The following FBXL18 variants were observed in gnomAD, a reference collection of about 807,000 sequenced individuals.
The protein encoded by FBXL18 is F-box/LRR-repeat protein 18.
In FBXL18, 36 loss-of-function variants were observed where a neutral mutation model predicts 46.0. The ratio of observed to expected loss-of-function variants is 0.78; its 90% CI spans 0.60 to 1.03. The LOEUF (loss-of-function observed/expected upper bound fraction) is 1.03. Among genes scored for constraint, FBXL18 ranks in the 50% least tolerant of loss-of-function variants. The pLI is 0.00. For synonymous variants in FBXL18, 557 were observed against 465.3 expected (o/e 1.20, Z -2.54); for missense variants, 977 against 1,004.1 (o/e 0.97, Z 0.36).
intron 4 of FBXL18, among the ~76,000 whole-genome samples, chr7:5,459,813 T>G (rs534293628): frequency 1.3e-5 from 2 of 151,522 alleles, no homozygotes; most frequent in Admixed American, 6.6e-5. Flanking sequence ...CTCGGGAGGA[T>G]GAGGCAGGAG....
At chr7:5,495,223 G>A (rs1784045263) in intron 3 of FBXL18, among the ~76,000 whole-genome samples, 1 of 152,198 alleles carries the variant, frequency 6.6e-6, no homozygotes, top group Admixed American at 6.5e-5. Flanking sequence ...GGGCATGAAA[G>A]GTGCTGAGCT....
intron 1 of FBXL18, among the ~76,000 whole-genome samples, chr7:5,508,266 A>C (rs1784442657): frequency 6.8e-6 from 1 of 146,312 alleles, no homozygotes; most frequent in Non-Finnish European, 1.5e-5. Flanking sequence ...CTCCATCTCA[A>C]AAAAAAAAAA....
intron 4 of FBXL18, among the ~76,000 whole-genome samples, chr7:5,463,532 T>C (rs559610084): frequency 2.2e-4 from 33 of 151,414 alleles, no homozygotes; most frequent in African/African-American, 6.6e-4. Context: ...GGCAGGAGGA[T>C]TGCTTGAGCC....
At chr7:5,475,602 C>G (rs1783496119), downstream of FBXL18, among the ~76,000 whole-genome samples, 1 of 152,196 alleles carries the variant, frequency 6.6e-6, no homozygotes, top group Non-Finnish European at 1.5e-5. This position sits in a 1 kb window ranked among gnomAD's most constrained non-coding sequence, Gnocchi z 4.2. Flanking sequence ...TCCTGATGCC[C>G]CCTGGGGAGT....
At chr7:5,491,208 T>A (rs1353788343) in intron 4 of FBXL18, 23 bp downstream of exon 4, 2 of 1,593,774 alleles carry the variant, frequency 1.3e-6, no homozygotes, top group Admixed American at 3.5e-5. Context: ...CCCCTGAAGC[T>A]GTACGCAACC....
At chr7:5,507,641 C>G (rs1464142131) in intron 1 of FBXL18, among the ~76,000 whole-genome samples, 1 of 151,694 alleles carries the variant, frequency 6.6e-6, no homozygotes, top group Non-Finnish European at 1.5e-5. Context: ...CGAGACCAGC[C>G]TGGCCAACAT....
rs966715597 is a variant in FBXL18, at chr7:5,455,033, C to A, written c.2001-7190G>T. 6.6e-6 allele frequency among the ~76,000 whole-genome samples: 1 copy of A among 152,200 alleles called. No homozygotes were observed. The highest frequency in any genetic ancestry group is 1.5e-5 in the Non-Finnish European group (1 of 68,036). On this transcript the variant is annotated intron_variant and NMD_transcript_variant, in intron 4 of 6. Transcript: ENST00000415009. This position sits in a 1 kb window ranked among gnomAD's most constrained non-coding sequence, Gnocchi z 4.6. ...TGCTCTAAGAGTGATCCCAGTCACA[C>A]TGGCACTCCGAGTGCCACCTTCCAC... is the stretch of plus-strand genomic sequence containing the variant.
At chr7:5,508,457 A>T (rs2128238901) in intron 1 of FBXL18, among the ~76,000 whole-genome samples, 1 of 151,272 alleles carries the variant, frequency 6.6e-6, no homozygotes, top group African/African-American at 2.4e-5. Context: ...AAAAAAAAAA[A>T]AATTAGTGGG....
rs568190854 is a variant in FBXL18, at chr7:5,513,734, C to G, written c.-60G>C. The G allele has an allele frequency of 5.7e-5, 90 of 1,573,352 alleles. No homozygotes were observed. Among genetic ancestry groups the G allele is most frequent in the Admixed American group, 1.1e-4 (6 of 54,268 alleles). ...CGCAACCCCGTGCCTCCCACCTGCC[C>G]GGCTAGGGATGCTCGAAGCCGGCGC... On this transcript the variant is annotated 5_prime_UTR_variant, in exon 1 of 5. Transcript: ENST00000382368.
chr7:5,505,731 G>A, intron 1 of FBXL18, 101 bp from the exon 2 acceptor site: 1 of 918,954 alleles, frequency 1.1e-6, no homozygotes, highest in Non-Finnish European at 1.7e-6. Context: ...TTATCCATGG[G>A]AAAGAAGGTG....
chr7:5,505,331 G>C, intron 2 of FBXL18, 81 bp downstream of exon 2: 2 of 1,298,978 alleles, frequency 1.5e-6, no homozygotes, highest in Non-Finnish European at 1.1e-6. Context: ...CAGCACACAG[G>C]GTTCCACTGC....
At chr7:5,454,707 C>T (rs529677575) in intron 4 of FBXL18, among the ~76,000 whole-genome samples, 1 of 152,256 alleles carries the variant, frequency 6.6e-6, no homozygotes, top group African/African-American at 2.4e-5. Flanking sequence ...GGGCACACAG[C>T]GAGGGAGCAA....
intron 3 of FBXL18, among the ~76,000 whole-genome samples, chr7:5,497,924 G>A (rs1227500271): frequency 1.3e-5 from 2 of 151,990 alleles, no homozygotes; most frequent in Non-Finnish European, 2.9e-5. Context: ...ATGACTTCAT[G>A]TACCCGCAAC....
rs1025513571 is a variant in FBXL18 at position 5,481,557 on chromosome 7, C to T, written c.*218G>A. 3.8e-6 allele frequency: 2 copies of T among 531,714 alleles called. No homozygotes were observed. The highest frequency in any genetic ancestry group is 6.7e-6 in the Non-Finnish European group (2 of 298,024). 32.9% of individuals were successfully genotyped at this position (531,714 alleles called of 1,614,324 possible). On this transcript the variant is annotated 3_prime_UTR_variant, in exon 5 of 5. Transcript: ENST00000382368. ...CCACATCGACCGTCCCCCGAGCCCC[C>T]TCATGTCACCCAGAACGCATCCCCT... is the stretch of plus-strand genomic sequence containing the variant.
chr7:5,485,769 T>TGGCCGGGCGCGGTGGCTCA (rs1471771738), intron 4 of FBXL18, among the ~76,000 whole-genome samples: 1 of 151,562 alleles, frequency 6.6e-6, no homozygotes, highest in Non-Finnish European at 1.5e-5. Context: ...TAGCCGGGTG[T>TGGCCGGGCGCGGTGGCTCA]GGCCGGGCGC....
chr7:5,484,006 G>A (rs988371178), intron 4 of FBXL18, among the ~76,000 whole-genome samples: 3 of 152,124 alleles, frequency 2.0e-5, no homozygotes, highest in African/African-American at 7.2e-5. Flanking sequence ...CAATAAAGAC[G>A]CCATCACACA....
chr7:5,476,184 ACG>A lies in FBXL18; in HGVS notation c.*5589_*5590del, dbSNP rs1344633973. 6.5e-6 allele frequency: 1 copy of A among 153,116 alleles called. No individual in the cohort carries two copies. The highest frequency in any genetic ancestry group is 1.5e-5 in the Non-Finnish European group (1 of 68,712). 9.5% of individuals were successfully genotyped at this position (153,116 alleles called of 1,614,324 possible). ...GGGAGGGGCACGCACACACACAGGCACGCACATGCTTGCCCATGAACACCCCC... is the reference window on the plus strand; with the variant it reads ...GGGAGGGGCACGCACACACACAGGCACACATGCTTGCCCATGAACACCCCC... On this transcript the variant is annotated 3_prime_UTR_variant, in exon 5 of 5. Coordinates refer to ENST00000382368, the MANE Select transcript of FBXL18 (RefSeq NM_024963.6).
intron 3 of FBXL18, among the ~76,000 whole-genome samples, chr7:5,498,149 G>A (rs1306137180): frequency 3.4e-5 from 5 of 148,858 alleles, no homozygotes; most frequent in Non-Finnish European, 7.4e-5. Context: ...GGCCAGTGGC[G>A]CGATCTCGGC....
At chr7:5,463,740 T>TA (rs1562672335) in intron 4 of FBXL18, among the ~76,000 whole-genome samples, 9 of 29,252 alleles carry the variant, frequency 3.1e-4, no homozygotes, top group East Asian at 1.3e-3. Flanking sequence ...TTTTTTTTTT[T>TA]TTTTTTTTTT....
Sources: allele counts gnomAD v4.1 joint callset (sites outside exome capture counted in the v4.1 genomes callset), GRCh38; gene constraint gnomAD v4.1.1; non-coding constraint Gnocchi (gnomAD v3.1); transcripts MANE v1.5; gene names NCBI Gene and HGNC (gene_info 2026-07-23, HGNC 2026-07-21).